The following TTYH1 variants were observed in gnomAD, a reference collection of about 807,000 sequenced individuals.
TTYH1 encodes the protein protein tweety homolog 1.
A neutral mutation model predicts 61.2 loss-of-function variants in TTYH1; 33 were observed. The ratio of observed to expected loss-of-function variants is 0.54; its 90% CI spans 0.41 to 0.72. TTYH1 has a LOEUF of 0.72. TTYH1 is among the 30% of genes least tolerant of loss of function. TTYH1 has a pLI of 0.00. For missense variants in TTYH1, 538 were observed against 575.8 expected (o/e 0.93, Z 0.67); for synonymous variants, 308 against 266.4 (o/e 1.16, Z -1.52).
At chr19:54,427,007 A>G (rs1356760319) in intron 5 of TTYH1, among the ~76,000 whole-genome samples, 1 of 152,076 alleles carries the variant, frequency 6.6e-6, no homozygotes, top group African/African-American at 2.4e-5. Flanking sequence ...GGCAATAAAG[A>G]TGAGGATGAG....
chr19:54,436,458 T>C lies in TTYH1; in HGVS notation c.*168T>C, dbSNP rs1186144449. ...CTGCTCTTGGCCACTGTGCTCCCAT[T>C]TCTGTCCTTGGCCTTGGGAGTAGCT... On this transcript the variant is annotated 3_prime_UTR_variant, in exon 14 of 14. Coordinates refer to ENST00000376530, the MANE Select transcript of TTYH1 (RefSeq NM_020659.4). This position sits in a 1 kb window ranked among gnomAD's most constrained non-coding sequence, Gnocchi z 4.3. 7 of 1,487,192 alleles carry C rather than the reference T, an allele frequency of 4.7e-6. No homozygotes were observed. Among genetic ancestry groups the C allele is most frequent in the Admixed American group, 3.4e-5 (2 of 59,568 alleles). The allele number at this position is 1,487,192 out of a possible 1,614,324, so 92.1% of individuals were successfully genotyped here. A position where few individuals can be genotyped will look rare whatever the true frequency, so the allele number is the denominator to read the frequency against.
In TTYH1 at chr19:54,430,859, T is replaced by C; in HGVS notation, c.986T>C (p.Leu329Pro). 6.2e-7 allele frequency: 1 copy of C among 1,613,904 alleles called. No homozygotes were observed. Among genetic ancestry groups the C allele is most frequent in the Non-Finnish European group, 8.5e-7 (1 of 1,180,008 alleles). The change falls in exon 9 of 14, where the codon CTG (leucine) becomes CCG (proline). Residue 329 changes from leucine to proline, a missense_variant. Leu to Pro is a moderately conservative substitution (Grantham distance 98). Transcript: ENST00000376530. ...QRALANIHSQ[L>P]LGLEREAVPQ... ...GCTCTGGCCAACATCCACTCCCAGC[T>C]GCTGGGCCTGGAGCGAGAAGCTGTG...
chr19:54,416,810 A>G lies in TTYH1; in HGVS notation c.126+1132A>G, dbSNP rs2083088021. 1.2e-5 allele frequency: 15 copies of G among 1,293,704 alleles called. No individual in the cohort carries two copies. The highest frequency in any genetic ancestry group is 1.4e-5 in the Non-Finnish European group (14 of 988,634). 80.1% of individuals were successfully genotyped at this position (1,293,704 alleles called of 1,614,324 possible). Reference sequence around the variant, plus strand: ...ACAGCCTCGCGGTTACACAACGGCCACCTCCAACAACGCCGCTCCACCGGC... The same window carrying G: ...ACAGCCTCGCGGTTACACAACGGCCGCCTCCAACAACGCCGCTCCACCGGC... On this transcript the variant is annotated intron_variant, in intron 1 of 13. Coordinates refer to ENST00000376530, the MANE Select transcript of TTYH1 (RefSeq NM_020659.4). This position sits in a 1 kb window ranked among gnomAD's most constrained non-coding sequence, Gnocchi z 7.0.
rs2083220350 is a variant in TTYH1, at chr19:54,421,677, T to C, written c.417+289T>C. Among the ~76,000 whole-genome samples, 1 of 151,762 alleles carries C rather than the reference T, an allele frequency of 6.6e-6. No individual in the cohort carries two copies. The highest frequency in any genetic ancestry group is 1.5e-5 in the Non-Finnish European group (1 of 67,946). The stretch of plus-strand genomic sequence containing the variant: ...CACCAGCCCCTGTCCACGGGCCAGA[T>C]CCAGGGCCCCAGACCTGATTCTTGG... On this transcript the variant is annotated intron_variant, in intron 3 of 13. Transcript: ENST00000376530. The surrounding 1 kb of genome is among the most constrained non-coding windows in gnomAD (Gnocchi z 4.8).
Position 54,421,565 on chromosome 19 carries a change from T to A in TTYH1, c.417+177T>A, listed in dbSNP as rs1347707569. 5.3e-5 allele frequency among the ~76,000 whole-genome samples: 8 copies of A among 150,302 alleles called. No individual in the cohort carries two copies. In the East Asian group the frequency reaches 1.2e-3, roughly 23 times the overall value. On this transcript the variant is annotated intron_variant, in intron 3 of 13. Coordinates refer to ENST00000376530, the MANE Select transcript of TTYH1 (RefSeq NM_020659.4). The surrounding 1 kb of genome is among the most constrained non-coding windows in gnomAD (Gnocchi z 4.8). Reference sequence around the variant, plus strand: ...AGACTATCCACCCAACCCCCGACCCTGGCTGCAAATTGAGGACCTCACACA... The same window carrying A: ...AGACTATCCACCCAACCCCCGACCCAGGCTGCAAATTGAGGACCTCACACA...
At position 54,420,235 on chromosome 19, in the gene TTYH1, G is replaced by T. The variant is rs1469924257; in HGVS notation, c.305+929G>T. 1.3e-5 allele frequency among the ~76,000 whole-genome samples: 2 copies of T among 152,164 alleles called. No homozygotes were observed. The highest frequency in any genetic ancestry group is 1.3e-4 in the Admixed American group (2 of 15,276). ...AGCAATCCTCTTCCACAGACGGGGG[G>T]TCCCAGAGGGCCAGACGCCTGCCCC... is the stretch of plus-strand genomic sequence containing the variant. On this transcript the variant is annotated intron_variant, in intron 2 of 13. Coordinates refer to ENST00000376530, the MANE Select transcript of TTYH1 (RefSeq NM_020659.4). This position sits in a 1 kb window ranked among gnomAD's most constrained non-coding sequence, Gnocchi z 4.8.
intron 10 of TTYH1, chr19:54,431,443 G>C (rs1464684424): frequency 3.8e-6 from 2 of 530,076 alleles, no homozygotes; most frequent in Non-Finnish European, 6.6e-6. Flanking sequence ...ACTCCCCGCT[G>C]GGTCCCCATC....
Position 54,430,854 on chromosome 19 carries a change from C to T in TTYH1, c.981C>T (p.Ser327=). Residue 327 remains serine, a synonymous_variant, in exon 9 of 14, where the codon TCC becomes TCT. Transcript: ENST00000376530. Reference sequence around the variant, plus strand: ...AGCGAGCTCTGGCCAACATCCACTCCCAGCTGCTGGGCCTGGAGCGAGAAG... The same window carrying T: ...AGCGAGCTCTGGCCAACATCCACTCTCAGCTGCTGGGCCTGGAGCGAGAAG... The part of the protein sequence containing the change: ...LSQRALANIH[S]QLLGLEREAV... 6.2e-7 allele frequency: 1 copy of T among 1,613,902 alleles called. No homozygotes were observed.
rs150907117 is a variant in TTYH1 at position 54,417,407 on chromosome 19, ACACT to A, written c.127-1717_127-1714del. ...ACACACGCCCACCTACTCTCATTAC[ACACT>A]CACATATGCACACACACATACCCAT... On this transcript the variant is annotated intron_variant, in intron 1 of 13. Coordinates refer to ENST00000376530, the MANE Select transcript of TTYH1 (RefSeq NM_020659.4). Among the ~76,000 whole-genome samples, 514 of 151,640 alleles carry A rather than the reference ACACT, an allele frequency of 3.4e-3. 22 individuals are homozygous for A. The East Asian group carries it at 0.083, about 25-fold the overall frequency.
intron 5 of TTYH1, among the ~76,000 whole-genome samples, chr19:54,428,980 T>C (rs1260182326): frequency 6.6e-6 from 1 of 152,096 alleles, no homozygotes; most frequent in African/African-American, 2.4e-5. Flanking sequence ...GTGGGTGGAC[T>C]TGGGGGAGCC....
In TTYH1 at chr19:54,416,756, C is replaced by T. The variant is rs1002119124; in HGVS notation, c.126+1078C>T. The T allele has an allele frequency of 3.1e-6, 4 of 1,292,222 alleles. No homozygotes were observed. Among genetic ancestry groups the T allele is most frequent in the African/African-American group, 3.0e-5 (2 of 65,930 alleles). The allele number at this position is 1,292,222 out of a possible 1,614,324, so 80.0% of individuals were successfully genotyped here. A position where few individuals can be genotyped will look rare whatever the true frequency, so the allele number is the denominator to read the frequency against. On this transcript the variant is annotated intron_variant, in intron 1 of 13. Coordinates refer to ENST00000376530, the MANE Select transcript of TTYH1 (RefSeq NM_020659.4). This position sits in a 1 kb window ranked among gnomAD's most constrained non-coding sequence, Gnocchi z 7.0. ...CCTGCTCCTCGCCGCCCCCTCTCCC[C>T]ACACACGGGGACCGCCGTCCCCTCG...
intron 10 of TTYH1, 156 bp downstream of exon 10, chr19:54,431,347 T>C (rs1760672113): frequency 3.3e-6 from 2 of 612,554 alleles, no homozygotes; most frequent in Non-Finnish European, 2.9e-6. Flanking sequence ...ATCTATTCTC[T>C]ACCTATTTAT....
rs1473993278 is a variant in TTYH1 at position 54,429,738 on chromosome 19, T to C, written c.808-144T>C. ...TCTGAGGGACGAGGGGCCTGGGGCC[T>C]GGACTCCTGAGTCTGAGGGAAGAGG... is the stretch of plus-strand genomic sequence containing the variant. On this transcript the variant is annotated intron_variant, in intron 6 of 13. Coordinates refer to ENST00000376530, the MANE Select transcript of TTYH1 (RefSeq NM_020659.4). This position sits in a 1 kb window ranked among gnomAD's most constrained non-coding sequence, Gnocchi z 5.1. 9.9e-6 allele frequency: 7 copies of C among 707,532 alleles called. No individual in the cohort carries two copies. The highest frequency in any genetic ancestry group is 1.5e-5 in the Non-Finnish European group (6 of 413,388). 43.8% of individuals were successfully genotyped at this position (707,532 alleles called of 1,614,324 possible). A position where few individuals can be genotyped will look rare whatever the true frequency, so the allele number is the denominator to read the frequency against.
intron 5 of TTYH1, among the ~76,000 whole-genome samples, chr19:54,427,463 G>T (rs1232602425): frequency 6.6e-6 from 1 of 151,408 alleles, no homozygotes. Flanking sequence ...AATTAGCCGG[G>T]CGTGGTGGCG....
chr19:54,423,692 G>T (rs75491997), intron 4 of TTYH1, among the ~76,000 whole-genome samples: 4,500 of 152,268 alleles, frequency 0.03, 98 homozygotes, highest in South Asian at 0.092. Flanking sequence ...TGAGAAGGAC[G>T]ATTAGCACAG....
rs1302586942 is a variant in TTYH1 at position 54,415,557 on chromosome 19, G to A, written c.5G>A (p.Gly2Glu). The stretch of plus-strand genomic sequence containing the variant: ...CTGCCCCCTCCCCCGGGGGCCATGG[G>A]GGCGCCCCCGGGCTACCGGCCCTCA... The part of the protein sequence containing the change: M[G>E]APPGYRPSAW... Residue 2 changes from glycine to glutamate, a missense_variant, in exon 1 of 14, where the codon GGG becomes GAG. Transcript: ENST00000376530. The surrounding 1 kb of genome is among the most constrained non-coding windows in gnomAD (Gnocchi z 5.2). 1.2e-5 allele frequency: 17 copies of A among 1,475,240 alleles called. No individual in the cohort carries two copies. The highest frequency in any genetic ancestry group is 1.5e-5 in the African/African-American group (1 of 68,590). 91.4% of individuals were successfully genotyped at this position (1,475,240 alleles called of 1,614,324 possible). A position where few individuals can be genotyped will look rare whatever the true frequency, so the allele number is the denominator to read the frequency against.
rs920521424 is a variant in TTYH1, at chr19:54,416,292, G to A, written c.126+614G>A. The A allele has an allele frequency of 6.9e-6, 2 of 287,872 alleles. No homozygotes were observed. Among genetic ancestry groups the A allele is most frequent in the Middle Eastern group, 1.3e-3 (1 of 766 alleles). The allele number at this position is 287,872 out of a possible 1,614,324, so 17.8% of individuals were successfully genotyped here. On this transcript the variant is annotated intron_variant, in intron 1 of 13. Transcript: ENST00000376530. This position sits in a 1 kb window ranked among gnomAD's most constrained non-coding sequence, Gnocchi z 7.0. ...TGGTCAGGGCGCTGCAGGGGTGAGG[G>A]CCGAGATGAGGCTGGGTTTGGGGAG... is the stretch of plus-strand genomic sequence containing the variant.
Position 54,429,530 on chromosome 19 carries a change from A to G in TTYH1, c.807+151A>G. 1 of 726,790 alleles carries G rather than the reference A, an allele frequency of 1.4e-6. No homozygotes were observed. Among genetic ancestry groups the G allele is most frequent in the East Asian group, 2.7e-5 (1 of 37,492 alleles). The allele number at this position is 726,790 out of a possible 1,614,324, so 45.0% of individuals were successfully genotyped here. ...TTTAGGGCTTGTTTCCTGGGGCCTG[A>G]GTGGGTACAGATTGGTGTCCTGGAC... On this transcript the variant is annotated intron_variant, in intron 6 of 13. Coordinates refer to ENST00000376530, the MANE Select transcript of TTYH1 (RefSeq NM_020659.4). The surrounding 1 kb of genome is among the most constrained non-coding windows in gnomAD (Gnocchi z 5.1).
chr19:54,430,036 T>C, intron 7 of TTYH1, 79 bp downstream of exon 7: 1 of 1,330,066 alleles, frequency 7.5e-7, no homozygotes, highest in South Asian at 1.2e-5. Flanking sequence ...CTGTGCCCGG[T>C]CCTGCCCAGG....
Sources: allele counts gnomAD v4.1 joint callset (sites outside exome capture counted in the v4.1 genomes callset), GRCh38; gene constraint gnomAD v4.1.1; non-coding constraint Gnocchi (gnomAD v3.1); transcripts MANE v1.5; gene names NCBI Gene and HGNC (gene_info 2026-07-23, HGNC 2026-07-21).